The following ACKR3 variants were observed in gnomAD, a reference collection of about 807,000 sequenced individuals.
The protein encoded by ACKR3 is atypical chemokine receptor 3.
A neutral mutation model predicts 22.4 loss-of-function variants in ACKR3; 6 were observed. The ratio of observed to expected loss-of-function variants is 0.27; its 90% CI spans 0.15 to 0.53. The LOEUF is 0.53. Among genes scored for constraint, ACKR3 ranks in the 20% least tolerant of loss-of-function variants. The probability of loss-of-function intolerance (pLI) is 0.96; values close to 1 mark genes in which losing one functional copy is unlikely to be tolerated. For synonymous variants in ACKR3, 209 were observed against 205.2 expected (o/e 1.02, Z -0.16); for missense variants, 396 against 475.2 (o/e 0.83, Z 1.55).
chr2:236,564,592 G>GT (rs532204731), upstream of ACKR3, among the ~76,000 whole-genome samples: 2,906 of 129,252 alleles, frequency 0.022, 54 homozygotes, highest in African/African-American at 0.046. Context: ...TTCCTTCCTA[G>GT]TTTTTTTTTT....
At chr2:236,546,056 G>A in the ACKR3 span, among the ~76,000 whole-genome samples, 2 of 152,292 alleles carry the variant, frequency 1.3e-5, no homozygotes, top group East Asian at 3.8e-4. The surrounding 1 kb of genome is among the most constrained non-coding windows in gnomAD (Gnocchi z 4.9). Context: ...TATTCCTGGA[G>A]AAAATACAGG....
At chr2:236,573,476 A>G (rs1158247363) in intron 1 of ACKR3, among the ~76,000 whole-genome samples, 1 of 152,146 alleles carries the variant, frequency 6.6e-6, no homozygotes, top group East Asian at 1.9e-4. Context: ...GTGTGCAAAC[A>G]GTGAGGGCCA....
At chr2:236,540,465 C>A in the ACKR3 span, among the ~76,000 whole-genome samples, 3 of 151,758 alleles carry the variant, frequency 2.0e-5, no homozygotes, top group African/African-American at 7.3e-5. Flanking sequence ...TGACTTGCCT[C>A]TTCATTTTTA....
At chr2:236,546,352 T>A in the ACKR3 span, among the ~76,000 whole-genome samples, 18 of 152,184 alleles carry the variant, frequency 1.2e-4, no homozygotes, top group African/African-American at 4.3e-4. This position sits in a 1 kb window ranked among gnomAD's most constrained non-coding sequence, Gnocchi z 4.9. Context: ...TCAATGAAGT[T>A]CCCCCTCTGT....
the ACKR3 span, among the ~76,000 whole-genome samples, chr2:236,543,727 G>A: frequency 6.6e-6 from 1 of 151,666 alleles, no homozygotes; most frequent in Admixed American, 6.6e-5. Context: ...TACCTTGGAT[G>A]GTCACTTGTA....
At chr2:236,552,863 C>G in the ACKR3 span, among the ~76,000 whole-genome samples, 4 of 152,148 alleles carry the variant, frequency 2.6e-5, no homozygotes, top group African/African-American at 9.7e-5. Context: ...GGCCTCTTCC[C>G]AGGCCCTAGG....
At chr2:236,542,634 T>C in the ACKR3 span, among the ~76,000 whole-genome samples, 2 of 152,194 alleles carry the variant, frequency 1.3e-5, no homozygotes, top group Non-Finnish European at 2.9e-5. Flanking sequence ...TATGTCCCCA[T>C]CTGTGTCTGC....
rs1691549479 is a variant in ACKR3 at position 236,581,932 on chromosome 2, G to C, written c.*378G>C. 5.7e-6 allele frequency: 1 copy of C among 175,942 alleles called. No homozygotes were observed. The allele number at this position is 175,942 out of a possible 1,614,324, so 10.9% of individuals were successfully genotyped here. ...ATTGGTGTACCTTATAAATGTATTT[G>C]AAAGTTAAATATATTTTAAATATTG... On this transcript the variant is annotated 3_prime_UTR_variant, in exon 2 of 2. Transcript: ENST00000272928. This position sits in a 1 kb window ranked among gnomAD's most constrained non-coding sequence, Gnocchi z 4.4.
At chr2:236,549,584 T>C in the ACKR3 span, among the ~76,000 whole-genome samples, 1 of 152,210 alleles carries the variant, frequency 6.6e-6, no homozygotes, top group East Asian at 1.9e-4. This position sits in a 1 kb window ranked among gnomAD's most constrained non-coding sequence, Gnocchi z 5.3. Flanking sequence ...AACTAAATAA[T>C]AGTGGAGTCA....
chr2:236,559,437 C>T, the ACKR3 span, among the ~76,000 whole-genome samples: 1 of 152,216 alleles, frequency 6.6e-6, no homozygotes, highest in Non-Finnish European at 1.5e-5. Flanking sequence ...TTCCCTCTCT[C>T]TGCCTGCCCC....
chr2:236,557,064 A>G, the ACKR3 span, among the ~76,000 whole-genome samples: 2 of 152,210 alleles, frequency 1.3e-5, no homozygotes, highest in African/African-American at 2.4e-5. Flanking sequence ...GTTACATCCA[A>G]TGGGACTGAG....
upstream of ACKR3, chr2:236,567,908 G>C (rs1356402329): frequency 6.5e-6 from 1 of 153,740 alleles, no homozygotes; most frequent in Non-Finnish European, 1.5e-5. Context: ...GTGCGGGGCA[G>C]GGCGCGGGGC....
upstream of ACKR3, among the ~76,000 whole-genome samples, chr2:236,566,768 T>TCCTTCCTTCCTTCCTTCC (rs1559469809): frequency 1.1e-4 from 8 of 71,962 alleles, no homozygotes; most frequent in African/African-American, 6.7e-4. Flanking sequence ...TCCTTCCTTT[T>TCCTTCCTTCCTTCCTTCC]CTTTGCTAGG....
chr2:236,550,318 G>T, the ACKR3 span, among the ~76,000 whole-genome samples: 1 of 152,232 alleles, frequency 6.6e-6, no homozygotes, highest in Non-Finnish European at 1.5e-5. This position sits in a 1 kb window ranked among gnomAD's most constrained non-coding sequence, Gnocchi z 4.6. Context: ...GTTGGGGGTG[G>T]CAGGGTACCC....
the ACKR3 span, among the ~76,000 whole-genome samples, chr2:236,549,817 C>T: frequency 6.6e-6 from 1 of 152,202 alleles, no homozygotes; most frequent in Non-Finnish European, 1.5e-5. This position sits in a 1 kb window ranked among gnomAD's most constrained non-coding sequence, Gnocchi z 5.3. Context: ...TGAAAGTGGA[C>T]ATTATCTGTT....
the ACKR3 span, among the ~76,000 whole-genome samples, chr2:236,559,535 T>C: frequency 2.6e-5 from 4 of 152,210 alleles, no homozygotes; most frequent in Non-Finnish European, 4.4e-5. Flanking sequence ...GTGCTTTGCT[T>C]TGAGTGCTTA....
upstream of ACKR3, among the ~76,000 whole-genome samples, chr2:236,566,507 A>G (rs1173453561): frequency 6.6e-6 from 1 of 150,788 alleles, no homozygotes; most frequent in Non-Finnish European, 1.5e-5. Context: ...CACTTGAAAA[A>G]CAGCAGGTGC....
chr2:236,575,449 GC>G (rs1691390101), intron 1 of ACKR3, among the ~76,000 whole-genome samples: 1 of 147,382 alleles, frequency 6.8e-6, no homozygotes, highest in Non-Finnish European at 1.5e-5. Context: ...TGCTGTGTGT[GC>G]GTGTGTCTGG....
At chr2:236,580,333 C>A in intron 1 of ACKR3, 107 bp from the exon 2 acceptor site, 2 of 1,191,478 alleles carry the variant, frequency 1.7e-6, no homozygotes, top group Non-Finnish European at 2.4e-6. Context: ...ACCCAAACAG[C>A]TGAGCCTATC....
Sources: gnomAD v4.1 joint callset for allele counts (sites outside exome capture counted in the v4.1 genomes callset) on GRCh38, gnomAD v4.1.1 for gene constraint, Gnocchi (gnomAD v3.1) non-coding constraint, MANE v1.5 for transcripts, NCBI Gene and HGNC (gene_info 2026-07-23, HGNC 2026-07-21) for gene names.